Variants in GOLM2 observed in about 807,000 individuals in gnomAD.
GOLM2 encodes golgi membrane protein 2.
GOLM2 carries 26 observed loss-of-function variants against 55.9 expected under a neutral mutation model. The observed-to-expected ratio is 0.47, with a 90% CI of 0.34 to 0.65. GOLM2 has a LOEUF of 0.65. GOLM2 is among the 30% of genes least tolerant of loss of function. GOLM2 has a pLI of 0.01. For missense variants in GOLM2, 486 were observed against 531.8 expected (o/e 0.91, Z 0.85); for synonymous variants, 165 against 194.6 (o/e 0.85, Z 1.27).
At chr15:44,361,465 C>G (rs929019234) in intron 6 of GOLM2, among the ~76,000 whole-genome samples, 1 of 150,868 alleles carries the variant, frequency 6.6e-6, no homozygotes, top group Admixed American at 6.6e-5. Flanking sequence ...ATAAATTCCT[C>G]GACACATACA....
At chr15:44,373,280 A>T (rs902315203) in intron 6 of GOLM2, among the ~76,000 whole-genome samples, 2 of 151,322 alleles carry the variant, frequency 1.3e-5, no homozygotes, top group Non-Finnish European at 2.9e-5. Context: ...ACACGGTGAA[A>T]CCCCGTCTCT....
intron 6 of GOLM2, among the ~76,000 whole-genome samples, chr15:44,347,555 G>A (rs896073325): frequency 6.6e-6 from 1 of 152,158 alleles, no homozygotes; most frequent in Non-Finnish European, 1.5e-5. Flanking sequence ...GGCAGAACTT[G>A]AGTTTGGCTA....
chr15:44,332,134 T>G lies in GOLM2; in HGVS notation c.576+56T>G, dbSNP rs569527253. ...TATTTTTATTATAAATCATGGTAATTTAGAAATTAAAATTATAATTTTGTC... is the reference window on the plus strand; with the variant it reads ...TATTTTTATTATAAATCATGGTAATGTAGAAATTAAAATTATAATTTTGTC... On this transcript the variant is annotated intron_variant, in intron 4 of 9. Coordinates refer to ENST00000299957, the MANE Select transcript of GOLM2 (RefSeq NM_138423.4). The G allele has an allele frequency of 1.8e-4, 169 of 915,156 alleles. No homozygotes were observed. In the African/African-American group the frequency reaches 2.5e-3, roughly 14 times the overall value. 56.7% of individuals were successfully genotyped at this position (915,156 alleles called of 1,614,324 possible). A position where few individuals can be genotyped will look rare whatever the true frequency, so the allele number is the denominator to read the frequency against.
chr15:44,384,921 A>G (rs2079431687), intron 8 of GOLM2, among the ~76,000 whole-genome samples: 1 of 152,116 alleles, frequency 6.6e-6, no homozygotes, highest in Non-Finnish European at 1.5e-5. Context: ...AAAAAAAAAA[A>G]AAATCATACA....
At chr15:44,410,121 T>C (rs2079627462) in intron 9 of GOLM2, among the ~76,000 whole-genome samples, 1 of 151,890 alleles carries the variant, frequency 6.6e-6, no homozygotes, top group Admixed American at 6.6e-5. Flanking sequence ...TCTGGAGAGG[T>C]ACCCGTGATT....
chr15:44,348,323 G>GAAGGGTGA (rs2079138743), intron 6 of GOLM2, among the ~76,000 whole-genome samples: 1 of 151,676 alleles, frequency 6.6e-6, no homozygotes, highest in Non-Finnish European at 1.5e-5. Flanking sequence ...CTGTTGCTCT[G>GAAGGGTGA]AAGGGTGAGT....
chr15:44,340,852 GA>G (rs1338586050), intron 6 of GOLM2, among the ~76,000 whole-genome samples: 1 of 152,044 alleles, frequency 6.6e-6, no homozygotes, highest in Non-Finnish European at 1.5e-5. Context: ...GTTTTAGGTT[GA>G]TTAATCTATT....
intron 1 of GOLM2, among the ~76,000 whole-genome samples, chr15:44,302,357 C>T (rs1451692673): frequency 6.6e-6 from 1 of 151,872 alleles, no homozygotes; most frequent in Non-Finnish European, 1.5e-5. Flanking sequence ...GTTGACGAGG[C>T]TGGTCTCAAA....
chr15:44,385,027 C>G (rs2079432693), intron 8 of GOLM2, among the ~76,000 whole-genome samples: 1 of 151,248 alleles, frequency 6.6e-6, no homozygotes, highest in Admixed American at 6.6e-5. Context: ...TATTTTATTT[C>G]TTTTTATGGC....
intron 6 of GOLM2, among the ~76,000 whole-genome samples, chr15:44,364,207 A>G (rs910006735): frequency 6.6e-6 from 1 of 152,128 alleles, no homozygotes; most frequent in African/African-American, 2.4e-5. Flanking sequence ...AAATAAATAA[A>G]TAAATAAAAA....
At position 44,400,466 on chromosome 15, in the gene GOLM2, C is replaced by T. The variant is rs1283364136; in HGVS notation, c.1073-2421C>T. Among the ~76,000 whole-genome samples the T allele has an allele frequency of 9.3e-5, 14 of 151,138 alleles. 1 individual carries two copies. The highest frequency in any genetic ancestry group is 1.5e-5 in the Non-Finnish European group (1 of 67,838). ...CCCAAGTAGCTGGATTACAGGCATG[C>T]GCCACCATGCCTGCCTAATTTTGTA... On this transcript the variant is annotated intron_variant, in intron 8 of 9. Transcript: ENST00000299957.
chr15:44,410,851 C>T (rs1377557461), intron 9 of GOLM2, among the ~76,000 whole-genome samples: 5 of 143,352 alleles, frequency 3.5e-5, no homozygotes, highest in South Asian at 2.2e-4. Flanking sequence ...TGCAGTGAGC[C>T]GAGATTGTGC....
intron 6 of GOLM2, among the ~76,000 whole-genome samples, chr15:44,345,631 CAA>C (rs902137209): frequency 1.3e-5 from 2 of 152,136 alleles, no homozygotes; most frequent in East Asian, 1.9e-4. Flanking sequence ...TACCTATAAA[CAA>C]AGAGGAAAAT....
intron 6 of GOLM2, among the ~76,000 whole-genome samples, chr15:44,344,980 CTT>C (rs1203762614): frequency 2.9e-5 from 4 of 138,530 alleles, no homozygotes; most frequent in African/African-American, 2.6e-5. Flanking sequence ...CTAATTTTTT[CTT>C]TTTTTTTTTT....
At chr15:44,295,292 C>A (rs1264255001) in intron 1 of GOLM2, among the ~76,000 whole-genome samples, 19 of 152,136 alleles carry the variant, frequency 1.2e-4, no homozygotes, top group Non-Finnish European at 1.5e-5. Flanking sequence ...GTTGGCCAGG[C>A]TGGTCTTTAA....
intron 1 of GOLM2, among the ~76,000 whole-genome samples, chr15:44,311,123 A>T (rs1255314911): frequency 6.6e-6 from 1 of 152,222 alleles, no homozygotes; most frequent in South Asian, 2.1e-4. Context: ...TAAACTTTCC[A>T]TACCAAATCC....
At chr15:44,388,867 G>T (rs1274910735) in intron 8 of GOLM2, among the ~76,000 whole-genome samples, 1 of 151,338 alleles carries the variant, frequency 6.6e-6, no homozygotes. Flanking sequence ...CCGTGCTGGA[G>T]TGCAGTGGCG....
intron 2 of GOLM2, among the ~76,000 whole-genome samples, chr15:44,326,197 G>A (rs1328304465): frequency 6.6e-6 from 1 of 151,320 alleles, no homozygotes; most frequent in Non-Finnish European, 1.5e-5. Flanking sequence ...GGGAGGCAGA[G>A]GTTACAGTGA....
chr15:44,344,258 C>CA (rs560961568), intron 6 of GOLM2, among the ~76,000 whole-genome samples: 1,651 of 86,962 alleles, frequency 0.019, 36 homozygotes, highest in African/African-American at 0.058. Context: ...GACCCTGTCT[C>CA]AAAAAAAAAA....
Sources: gnomAD v4.1 joint callset for allele counts (sites outside exome capture counted in the v4.1 genomes callset) on GRCh38, gnomAD v4.1.1 for gene constraint, MANE v1.5 for transcripts, NCBI Gene and HGNC (gene_info 2026-07-23, HGNC 2026-07-21) for gene names.